Variants in EYA4 observed in about 807,000 individuals in gnomAD.
EYA4 encodes EYA transcriptional coactivator and phosphatase 4.
Under a neutral mutation model 87.9 loss-of-function variants are expected in EYA4, and 31 were observed. The ratio of observed to expected loss-of-function variants is 0.35; its 90% CI spans 0.27 to 0.48. EYA4 has a LOEUF of 0.48. Among genes scored for constraint, EYA4 ranks in the 20% least tolerant of loss-of-function variants. The pLI is 0.99. For missense variants in EYA4, 678 were observed against 761.4 expected (o/e 0.89, Z 1.29); for synonymous variants, 263 against 270.6 (o/e 0.97, Z 0.28).
At chr6:133,286,650 A>G (rs1312987661) in intron 2 of EYA4, among the ~76,000 whole-genome samples, 1 of 152,234 alleles carries the variant, frequency 6.6e-6, no homozygotes, top group Non-Finnish European at 1.5e-5. Context: ...CACCTCTATC[A>G]TAGCAGAAAG....
At chr6:133,481,352 C>CCAT in intron 11 of EYA4, 111 bp from the exon 12 acceptor site, 1 of 1,040,910 alleles carries the variant, frequency 9.6e-7, no homozygotes, top group South Asian at 1.3e-5. Flanking sequence ...CTCTTTTTTG[C>CCAT]CATCAGGAGG....
At chr6:133,335,968 C>T (rs1182721496) in intron 2 of EYA4, among the ~76,000 whole-genome samples, 2 of 152,102 alleles carry the variant, frequency 1.3e-5, no homozygotes, top group Non-Finnish European at 2.9e-5. Context: ...AAGGATAAAA[C>T]ATAATGATTG....
At chr6:133,334,241 C>T (rs528527566) in intron 2 of EYA4, among the ~76,000 whole-genome samples, 29 of 152,244 alleles carry the variant, frequency 1.9e-4, no homozygotes, top group Non-Finnish European at 2.5e-4. Flanking sequence ...TTAAAAAATC[C>T]GATTTTAAAG....
chr6:133,292,426 A>C (rs1440699528), intron 2 of EYA4, among the ~76,000 whole-genome samples: 1 of 152,150 alleles, frequency 6.6e-6, no homozygotes, highest in Admixed American at 6.5e-5. Flanking sequence ...ACATTGTTTT[A>C]ATTCTTGAGC....
At position 133,315,540 on chromosome 6, in the gene EYA4, TCTC is replaced by T. The variant is rs151100961; in HGVS notation, c.33+40730_33+40732del. ...TAAATTCAGAAAATTTGCTGAGAAT[TCTC>T]CTTCCAAAATGGTAAAAGAAAATGA... On this transcript the variant is annotated intron_variant, in intron 2 of 19. Coordinates refer to ENST00000355286, the MANE Select transcript of EYA4 (RefSeq NM_004100.5). Among the ~76,000 whole-genome samples the T allele has an allele frequency of 6.0e-3, 920 of 152,192 alleles. 4 individuals are homozygous for T. The highest frequency in any genetic ancestry group is 0.02 in the African/African-American group (832 of 41,524).
chr6:133,529,215 A>G lies in EYA4; in HGVS notation c.*410A>G. ...TGAGGTTTGAATCTGACTTTAGCCT[A>G]CCTAACCCAGAAAATCTGAATTGGA... On this transcript the variant is annotated 3_prime_UTR_variant, in exon 20 of 20. Coordinates refer to ENST00000355286, the MANE Select transcript of EYA4 (RefSeq NM_004100.5). The G allele has an allele frequency of 8.8e-7, 1 of 1,136,712 alleles. No homozygotes were observed. The highest frequency in any genetic ancestry group is 1.6e-5 in the African/African-American group (1 of 61,994). 70.4% of individuals were successfully genotyped at this position (1,136,712 alleles called of 1,614,324 possible).
chr6:133,242,498 T>C (rs1774039780), intron 1 of EYA4, among the ~76,000 whole-genome samples: 1 of 152,042 alleles, frequency 6.6e-6, no homozygotes, highest in East Asian at 1.9e-4. Context: ...CCTGGCTGGG[T>C]AGAGCAGGTT....
intron 14 of EYA4, among the ~76,000 whole-genome samples, chr6:133,509,206 G>C (rs1232276103): frequency 6.6e-6 from 1 of 152,066 alleles, no homozygotes; most frequent in African/African-American, 2.4e-5. Flanking sequence ...ACTTTGAAAG[G>C]CAGTTTTACT....
In EYA4 at chr6:133,467,470, T is replaced by G. The variant is rs552205274; in HGVS notation, c.805-1096T>G. Among the ~76,000 whole-genome samples, 64 of 152,202 alleles carry G rather than the reference T, an allele frequency of 4.2e-4. 1 individual carries two copies. The highest frequency in any genetic ancestry group is 3.4e-4 in the Non-Finnish European group (23 of 67,976). On this transcript the variant is annotated intron_variant, in intron 10 of 19. Coordinates refer to ENST00000355286, the MANE Select transcript of EYA4 (RefSeq NM_004100.5). ...ACTATGTAAACATTTGCTACCACTG[T>G]TTTACTCTGAGAGATATTGGTAGGA... is the stretch of plus-strand genomic sequence containing the variant.
chr6:133,441,473 G>A (rs551213622), intron 3 of EYA4, among the ~76,000 whole-genome samples: 30 of 152,220 alleles, frequency 2.0e-4, no homozygotes, highest in African/African-American at 6.3e-4. Context: ...CTATAGAAGG[G>A]TGCGCACTTA....
chr6:133,364,574 A>G (rs571676266), intron 2 of EYA4, among the ~76,000 whole-genome samples: 2 of 152,346 alleles, frequency 1.3e-5, no homozygotes, highest in Non-Finnish European at 2.9e-5. Flanking sequence ...ACAGGGAGTT[A>G]CTTCTGCTAA....
chr6:133,253,694 C>G (rs150373686), intron 1 of EYA4, among the ~76,000 whole-genome samples: 22 of 152,176 alleles, frequency 1.4e-4, no homozygotes, highest in African/African-American at 5.3e-4. Context: ...CAAGGCTTAG[C>G]TCAAATGTCA....
At chr6:133,434,621 TCTC>T (rs1773981715) in intron 3 of EYA4, among the ~76,000 whole-genome samples, 1 of 152,202 alleles carries the variant, frequency 6.6e-6, no homozygotes, top group South Asian at 2.1e-4. Flanking sequence ...TTAACACTGC[TCTC>T]ATAGCCTTAA....
chr6:133,286,533 A>G (rs1778073174), intron 2 of EYA4, among the ~76,000 whole-genome samples: 2 of 152,144 alleles, frequency 1.3e-5, no homozygotes. Flanking sequence ...CCCATAAGCA[A>G]TGAGTTATGT....
chr6:133,278,773 A>T (rs1181284368), intron 2 of EYA4, among the ~76,000 whole-genome samples: 1 of 152,184 alleles, frequency 6.6e-6, no homozygotes, highest in South Asian at 2.1e-4. Flanking sequence ...ATTTTAAGAG[A>T]TAAGCAACTA....
rs550489067 is a variant in EYA4, at chr6:133,483,517, G to A, written c.1191+402G>A. ...TTATAGCAATAGCGAGTAATCTTTC[G>A]TCTGACAGATCTTTTGGATTTATGA... On this transcript the variant is annotated intron_variant, in intron 13 of 19. Coordinates refer to ENST00000355286, the MANE Select transcript of EYA4 (RefSeq NM_004100.5). 1.3e-4 allele frequency among the ~76,000 whole-genome samples: 20 copies of A among 151,798 alleles called. No homozygotes were observed. In the East Asian group the frequency reaches 1.9e-3, roughly 15 times the overall value.
intron 2 of EYA4, among the ~76,000 whole-genome samples, chr6:133,294,734 A>T (rs948696534): frequency 9.2e-5 from 14 of 151,816 alleles, no homozygotes; most frequent in African/African-American, 3.4e-4. Context: ...TGCGTGGCTA[A>T]TTTTTGTTAT....
At chr6:133,497,849 A>C (rs1253754475) in intron 13 of EYA4, among the ~76,000 whole-genome samples, 1 of 152,162 alleles carries the variant, frequency 6.6e-6, no homozygotes, top group Non-Finnish European at 1.5e-5. Context: ...GAAATAGCCC[A>C]AGTCAGGGGG....
chr6:133,315,934 G>GT (rs536483820), intron 2 of EYA4, among the ~76,000 whole-genome samples: 1 of 152,144 alleles, frequency 6.6e-6, no homozygotes, highest in Non-Finnish European at 1.5e-5. Context: ...GGAACAGAGT[G>GT]TTTTTTGAAG....
Sources: gnomAD v4.1 joint callset for allele counts (sites outside exome capture counted in the v4.1 genomes callset) on GRCh38, gnomAD v4.1.1 for gene constraint, MANE v1.5 for transcripts, NCBI Gene and HGNC (gene_info 2026-07-23, HGNC 2026-07-21) for gene names.